Variants in SULT2B1 observed in about 807,000 individuals in gnomAD.
SULT2B1 encodes the protein sulfotransferase family 2B member 1.
In SULT2B1, 16 loss-of-function variants were observed where a neutral mutation model predicts 33.2. The observed-to-expected ratio is 0.48, with a 90% CI of 0.33 to 0.73. The LOEUF (loss-of-function observed/expected upper bound fraction) is 0.73. SULT2B1 is among the 30% of genes least tolerant of loss of function. The pLI, the probability that SULT2B1 is intolerant of heterozygous loss-of-function variation, is 0.02. For missense variants in SULT2B1, 500 were observed against 506.0 expected, an observed-to-expected ratio of 0.99 and a Z score of 0.11; for synonymous variants, 186 against 200.5, an observed-to-expected ratio of 0.93 and a Z score of 0.61.
intron 2 of SULT2B1, among the ~76,000 whole-genome samples, chr19:48,584,233 G>A (rs1375610264): frequency 6.6e-6 from 1 of 152,196 alleles, no homozygotes; most frequent in Non-Finnish European, 1.5e-5. Flanking sequence ...TGCCCAACCG[G>A]CTCCCCACAC....
chr19:48,587,411 A>G lies in SULT2B1; in HGVS notation c.397A>G (p.Lys133Glu). The stretch of plus-strand genomic sequence containing the variant: ...CCATCTTCCCATCCAGATCTTCACC[A>G]AGGCCTTCTTCAGCTCCAAGGCCAA... ...SSHLPIQIFTKAFFSSKAKVI... is the reference protein window; with the variant it reads ...SSHLPIQIFTEAFFSSKAKVI... The change falls in exon 3 of 7, where the codon AAG (lysine) becomes GAG (glutamate). Residue 133 changes from lysine to glutamate, a missense_variant. Lys to Glu is a moderately conservative substitution (Grantham distance 56, BLOSUM62 1). Transcript: ENST00000201586. 1 of 1,614,006 alleles carries G rather than the reference A, an allele frequency of 6.2e-7. No individual in the cohort carries two copies. The highest frequency in any genetic ancestry group is 8.5e-7 in the Non-Finnish European group (1 of 1,179,994).
chr19:48,566,077 T>TA (rs1973240140), intron 1 of SULT2B1, among the ~76,000 whole-genome samples: 1 of 151,876 alleles, frequency 6.6e-6, no homozygotes, highest in Admixed American at 6.6e-5. Context: ...CACACCCAGC[T>TA]ATTTTCGTAT....
chr19:48,599,244 C>T lies in SULT2B1; in HGVS notation c.936C>T (p.Asp312=), dbSNP rs752149713. ...RGMPTFPWDE[D]PEEDGSPDPE... ...TGCCGACCTTCCCCTGGGATGAAGA[C>T]CCGGAGGAGGACGGCAGCCCAGATC... is the stretch of plus-strand genomic sequence containing the variant. The change falls in exon 7 of 7, where the codon GAC becomes GAT. Residue 312 remains aspartate, a synonymous_variant. Coordinates refer to ENST00000201586, the MANE Select transcript of SULT2B1 (RefSeq NM_177973.2). This position sits in a 1 kb window ranked among gnomAD's most constrained non-coding sequence, Gnocchi z 4.1. 8.1e-6 allele frequency: 13 copies of T among 1,610,114 alleles called. No individual in the cohort carries two copies. The highest frequency in any genetic ancestry group is 1.3e-5 in the African/African-American group (1 of 74,772).
chr19:48,571,175 C>T (rs538446958), intron 1 of SULT2B1, among the ~76,000 whole-genome samples: 1 of 142,360 alleles, frequency 7.0e-6, no homozygotes, highest in Non-Finnish European at 1.5e-5. Context: ...TACAGGCCAC[C>T]ATGCCTGGCT....
chr19:48,593,081 G>C (rs1269431496), intron 5 of SULT2B1, among the ~76,000 whole-genome samples: 1 of 152,188 alleles, frequency 6.6e-6, no homozygotes, highest in Non-Finnish European at 1.5e-5. Context: ...GGTCAGGGGC[G>C]AGATTTAACC....
chr19:48,565,280 C>T (rs1973230135), intron 1 of SULT2B1, among the ~76,000 whole-genome samples: 1 of 151,970 alleles, frequency 6.6e-6, no homozygotes, highest in Non-Finnish European at 1.5e-5. Flanking sequence ...GAATGTTTCA[C>T]CCTAAACATT....
At chr19:48,576,126 G>A (rs71357829) in intron 2 of SULT2B1, 43 bp downstream of exon 2, 1 of 1,490,704 alleles carries the variant, frequency 6.7e-7, no homozygotes, top group Non-Finnish European at 9.2e-7. Context: ...GGAGAGTGGG[G>A]AGGGGGTGCG....
chr19:48,569,918 G>A (rs1042975739), intron 1 of SULT2B1, among the ~76,000 whole-genome samples: 5 of 151,752 alleles, frequency 3.3e-5, no homozygotes, highest in Non-Finnish European at 5.9e-5. Context: ...CACCTGTCTC[G>A]GCTTCCTAAA....
intron 5 of SULT2B1, 120 bp from the exon 6 acceptor site, chr19:48,596,619 C>T: frequency 9.2e-7 from 1 of 1,089,074 alleles, no homozygotes; most frequent in Non-Finnish European, 1.3e-6. Flanking sequence ...GAAACTGAGG[C>T]AAAGAGGCAG....
At chr19:48,593,169 C>T (rs1482909318) in intron 5 of SULT2B1, among the ~76,000 whole-genome samples, 1 of 152,046 alleles carries the variant, frequency 6.6e-6, no homozygotes, top group African/African-American at 2.4e-5. Flanking sequence ...GCGGGAGGAC[C>T]CCTTGAGCCC....
At chr19:48,597,059 G>A in intron 6 of SULT2B1, 140 bp downstream of exon 6, 1 of 1,004,458 alleles carries the variant, frequency 1.0e-6, no homozygotes, top group South Asian at 1.7e-5. Context: ...CCCCAGGGTT[G>A]ATCACGCACG....
At chr19:48,573,745 C>A (rs1973363003) in intron 1 of SULT2B1, among the ~76,000 whole-genome samples, 1 of 152,148 alleles carries the variant, frequency 6.6e-6, no homozygotes. Context: ...CTCTGTTCAG[C>A]TCTTGTGTGG....
At chr19:48,584,506 G>C (rs921751510) in intron 2 of SULT2B1, among the ~76,000 whole-genome samples, 1 of 150,628 alleles carries the variant, frequency 6.6e-6, no homozygotes, top group Middle Eastern at 3.4e-3. Context: ...GAGGAGAAAT[G>C]TTTACAGGGT....
chr19:48,576,359 C>CTTTTTTTTTTTTT (rs1188887401), intron 2 of SULT2B1, among the ~76,000 whole-genome samples: 7 of 96,716 alleles, frequency 7.2e-5, no homozygotes, highest in African/African-American at 1.7e-4. Context: ...CTCTACTTCT[C>CTTTTTTTTTTTTT]TTTTTTTTTT....
intron 2 of SULT2B1, among the ~76,000 whole-genome samples, chr19:48,579,376 G>A (rs1030323406): frequency 6.8e-6 from 1 of 147,256 alleles, no homozygotes; most frequent in South Asian, 2.2e-4. Context: ...TCCGCCTCCC[G>A]AGTTCACGCC....
At chr19:48,574,469 G>T (rs1039086245) in intron 1 of SULT2B1, among the ~76,000 whole-genome samples, 3 of 152,180 alleles carry the variant, frequency 2.0e-5, no homozygotes, top group Non-Finnish European at 4.4e-5. Flanking sequence ...AAGGGCACAG[G>T]GTCTTTTCTT....
intron 2 of SULT2B1, among the ~76,000 whole-genome samples, chr19:48,585,938 T>C (rs1973555785): frequency 6.6e-6 from 1 of 151,716 alleles, no homozygotes. Flanking sequence ...ATTAAAGGAG[T>C]GCCTGCTGGG....
At chr19:48,576,931 G>T (rs919067905) in intron 2 of SULT2B1, among the ~76,000 whole-genome samples, 1 of 151,302 alleles carries the variant, frequency 6.6e-6, no homozygotes, top group Non-Finnish European at 1.5e-5. Context: ...ATGAGCCACC[G>T]CGCCTGGCTA....
chr19:48,566,665 A>T (rs1322527951), intron 1 of SULT2B1, among the ~76,000 whole-genome samples: 2 of 151,996 alleles, frequency 1.3e-5, no homozygotes, highest in African/African-American at 4.8e-5. Flanking sequence ...AACATGGTAA[A>T]ACCCCGTTTT....
Sources: allele counts gnomAD v4.1 joint callset (sites outside exome capture counted in the v4.1 genomes callset), GRCh38; gene constraint gnomAD v4.1.1; non-coding constraint Gnocchi (gnomAD v3.1); transcripts MANE v1.5; gene names NCBI Gene and HGNC (gene_info 2026-07-23, HGNC 2026-07-21).